GOT2: variants seen among roughly 807,000 people sequenced by gnomAD.
The protein encoded by GOT2 is glutamic-oxaloacetic transaminase 2.
GOT2 carries 17 observed loss-of-function variants against 50.0 expected under a neutral mutation model. The observed-to-expected ratio is 0.34, with a 90% CI of 0.23 to 0.51. The LOEUF is 0.51. Ranked by LOEUF, GOT2 falls within the 20% of genes least tolerant of loss-of-function variation. The pLI is 0.97. For missense variants in GOT2, 430 were observed against 559.6 expected, an observed-to-expected ratio of 0.77 and a Z score of 2.34; for synonymous variants, 172 against 204.9, an observed-to-expected ratio of 0.84 and a Z score of 1.37.
intron 1 of GOT2, among the ~76,000 whole-genome samples, chr16:58,726,574 A>C (rs173992): frequency 0.6 from 90,375 of 151,294 alleles, 27,692 homozygotes; most frequent in Middle Eastern, 0.85. Context: ...GGCTCACTGC[A>C]ACCTGTCTCT....
intron 1 of GOT2, among the ~76,000 whole-genome samples, chr16:58,729,927 TA>T (rs1319054528): frequency 6.6e-6 from 1 of 151,376 alleles, no homozygotes; most frequent in East Asian, 2.0e-4. Context: ...ATTTTTTTTT[TA>T]AAAATGTAAT....
intron 8 of GOT2, among the ~76,000 whole-genome samples, 193 bp downstream of exon 8, chr16:58,715,821 C>T (rs554085320): frequency 7.8e-4 from 118 of 152,114 alleles, no homozygotes; most frequent in African/African-American, 2.7e-3. Flanking sequence ...CAAAGTGCTG[C>T]GATTACAGGC....
At chr16:58,729,927 T>A (rs1436429) in intron 1 of GOT2, among the ~76,000 whole-genome samples, 105,248 of 151,254 alleles carry the variant, frequency 0.7, 37,115 homozygotes, top group Middle Eastern at 0.86. Flanking sequence ...ATTTTTTTTT[T>A]AAAAATGTAA....
At chr16:58,715,152 G>A (rs1254363096) in intron 8 of GOT2, among the ~76,000 whole-genome samples, 1 of 152,142 alleles carries the variant, frequency 6.6e-6, no homozygotes, top group East Asian at 1.9e-4. Context: ...GAGGAGACCA[G>A]CCTGGGCAAG....
intron 8 of GOT2, among the ~76,000 whole-genome samples, chr16:58,714,716 A>C (rs574390211): frequency 1.8e-4 from 28 of 152,246 alleles, no homozygotes; most frequent in Non-Finnish European, 3.4e-4. Flanking sequence ...TTAAAAAAAA[A>C]CAAAAAACAA....
intron 1 of GOT2, among the ~76,000 whole-genome samples, chr16:58,726,667 T>C (rs1005228206): frequency 6.6e-6 from 1 of 151,210 alleles, no homozygotes; most frequent in South Asian, 2.1e-4. Context: ...AATTTTTGTA[T>C]TTTTAGTAGA....
At chr16:58,714,734 C>CA (rs1304961320) in intron 8 of GOT2, among the ~76,000 whole-genome samples, 1 of 151,892 alleles carries the variant, frequency 6.6e-6, no homozygotes, top group South Asian at 2.1e-4. Context: ...CAAAACAAAA[C>CA]AAAAAACTCG....
At chr16:58,730,891 C>A (rs1305143642) in intron 1 of GOT2, among the ~76,000 whole-genome samples, 2 of 152,206 alleles carry the variant, frequency 1.3e-5, no homozygotes, top group Non-Finnish European at 2.9e-5. Context: ...ATTTTGGATA[C>A]AGGCACAAAG....
intron 8 of GOT2, among the ~76,000 whole-genome samples, chr16:58,715,489 T>C (rs898035346): frequency 6.6e-6 from 1 of 151,906 alleles, no homozygotes; most frequent in Non-Finnish European, 1.5e-5. Flanking sequence ...TGAGTTAGGA[T>C]TGCAACACTG....
intron 3 of GOT2, among the ~76,000 whole-genome samples, chr16:58,720,896 A>G (rs1386690393): frequency 6.6e-6 from 1 of 152,136 alleles, no homozygotes; most frequent in Non-Finnish European, 1.5e-5. Flanking sequence ...GAGGCACAAC[A>G]ACTTATAAAA....
intron 6 of GOT2, among the ~76,000 whole-genome samples, 160 bp from the exon 7 acceptor site, chr16:58,716,973 C>G (rs2044700490): frequency 6.6e-6 from 1 of 152,130 alleles, no homozygotes; most frequent in Admixed American, 6.6e-5. Flanking sequence ...CAACTTATAC[C>G]CAGGACTCAC....
chr16:58,715,575 G>A (rs1205489494), intron 8 of GOT2, among the ~76,000 whole-genome samples: 2 of 152,048 alleles, frequency 1.3e-5, no homozygotes, highest in Non-Finnish European at 2.9e-5. Context: ...AGATTGAGAC[G>A]GAGTTTTGCT....
intron 7 of GOT2, 127 bp downstream of exon 7, chr16:58,716,536 A>C: frequency 1.3e-6 from 1 of 747,148 alleles, no homozygotes; most frequent in Non-Finnish European, 2.1e-6. Flanking sequence ...ATCTTAGGGT[A>C]GGGAGGGACA....
At chr16:58,718,335 G>T in intron 5 of GOT2, 35 bp from the exon 6 acceptor site, 1 of 1,535,768 alleles carries the variant, frequency 6.5e-7, no homozygotes, top group Non-Finnish European at 9.0e-7. Context: ...CGACTTTGCA[G>T]CTTTAAAGGA....
intron 1 of GOT2, among the ~76,000 whole-genome samples, chr16:58,732,412 GATCA>G (rs1222632057): frequency 6.6e-6 from 1 of 152,160 alleles, no homozygotes; most frequent in Non-Finnish European, 1.5e-5. Context: ...AACTGGTTAT[GATCA>G]ATTAGTTGTA....
chr16:58,734,190 G>C lies in GOT2; in HGVS notation c.39C>G (p.Ile13Met), dbSNP rs562178599. The change falls in exon 1 of 10, where the codon ATC (isoleucine) becomes ATG (methionine). Residue 13 changes from isoleucine (I) to methionine (M), a missense_variant. Ile to Met is a conservative substitution (Grantham distance 10, BLOSUM62 1). Coordinates refer to ENST00000245206, the MANE Select transcript of GOT2 (RefSeq NM_002080.4). ...LLHSGRVLPGIAAAFHPGLAA... is the reference protein window; with the variant it reads ...LLHSGRVLPGMAAAFHPGLAA... ...CGAGGCCCGGGTGGAAGGCGGCGGC[G>C]ATCCCGGGGAGGACGCGGCCGGAGT... 1.5e-6 allele frequency: 2 copies of C among 1,336,492 alleles called. No homozygotes were observed. Among genetic ancestry groups the C allele is most frequent in the Non-Finnish European group, 1.9e-6 (2 of 1,037,668 alleles). 82.8% of individuals were successfully genotyped at this position (1,336,492 alleles called of 1,614,324 possible). A position where few individuals can be genotyped will look rare whatever the true frequency, so the allele number is the denominator to read the frequency against.
intron 8 of GOT2, among the ~76,000 whole-genome samples, chr16:58,715,627 A>C (rs1412892497): frequency 3.3e-5 from 5 of 152,170 alleles, no homozygotes; most frequent in Non-Finnish European, 7.3e-5. Flanking sequence ...ATCTCGGCTC[A>C]CTGCAGCCTT....
intron 8 of GOT2, among the ~76,000 whole-genome samples, chr16:58,714,677 C>T (rs2044677284): frequency 6.6e-6 from 1 of 151,848 alleles, no homozygotes; most frequent in Non-Finnish European, 1.5e-5. Context: ...TGCCACTGCA[C>T]TCTAGCCTGG....
intron 9 of GOT2, among the ~76,000 whole-genome samples, chr16:58,708,886 C>T (rs1208536346): frequency 6.6e-6 from 1 of 151,214 alleles, no homozygotes; most frequent in Non-Finnish European, 1.5e-5. Context: ...AAAAGTATTA[C>T]AATACTTTTA....
Sources: allele counts gnomAD v4.1 joint callset (sites outside exome capture counted in the v4.1 genomes callset), GRCh38; gene constraint gnomAD v4.1.1; transcripts MANE v1.5; gene names NCBI Gene and HGNC (gene_info 2026-07-23, HGNC 2026-07-21).